Variants in PRPF3 observed in about 807,000 individuals in gnomAD.
PRPF3 encodes the protein pre-mRNA processing factor 3, also known as U4/U6 small nuclear ribonucleoprotein Prp3.
In PRPF3, 3 loss-of-function variants were observed where a neutral mutation model predicts 89.2. That is an observed-to-expected ratio of 0.03 (90% CI 0.02 to 0.09). The LOEUF (loss-of-function observed/expected upper bound fraction) is 0.09. Among genes scored for constraint, PRPF3 ranks in the 10% least tolerant of loss-of-function variants. The probability of loss-of-function intolerance (pLI) is 1.00; values close to 1 mark genes in which losing one functional copy is unlikely to be tolerated. For synonymous variants in PRPF3, 270 were observed against 289.1 expected, an observed-to-expected ratio of 0.93 and a Z score of 0.67; for missense variants, 463 against 828.8, an observed-to-expected ratio of 0.56 and a Z score of 5.42.
In PRPF3 at chr1:150,334,907, A is replaced by C. The variant is rs782537742; in HGVS notation, c.729-28A>C. ...TGCTTGCCTTAATGTTCCATACAGG[A>C]TTTATTTCTTTGCGGGCTATTTTTC... On this transcript the variant is annotated intron_variant, in intron 6 of 15. Transcript: ENST00000324862. 5.0e-6 allele frequency: 8 copies of C among 1,613,040 alleles called. No individual in the cohort carries two copies. In the Admixed American group the frequency reaches 5.0e-5, roughly 10 times the overall value.
intron 9 of PRPF3, 180 bp from the exon 10 acceptor site, chr1:150,343,129 C>A: frequency 4.2e-6 from 1 of 237,142 alleles, no homozygotes; most frequent in Non-Finnish European, 8.0e-6. Flanking sequence ...GTAATCCTAG[C>A]TACTCGGGAG....
At chr1:150,331,027 CATTTT>C (rs1482864092) in intron 4 of PRPF3, among the ~76,000 whole-genome samples, 4 of 148,782 alleles carry the variant, frequency 2.7e-5, no homozygotes, top group African/African-American at 9.9e-5. Flanking sequence ...TGTAATTTTT[CATTTT>C]ATTTTATTTT....
rs114084590 is a variant in PRPF3 at position 150,351,889 on chromosome 1, G to A, written c.1906-944G>A. 2.8e-3 allele frequency among the ~76,000 whole-genome samples: 422 copies of A among 151,692 alleles called. 4 individuals are homozygous for A. Among genetic ancestry groups the A allele is most frequent in the African/African-American group, 8.9e-3 (368 of 41,354 alleles). Reference sequence around the variant, plus strand: ...GAAGAGTACTTACTGAAAAAGTCCCGGCTTCTTAGAGAACCAGTATTAATG... The same window carrying A: ...GAAGAGTACTTACTGAAAAAGTCCCAGCTTCTTAGAGAACCAGTATTAATG... On this transcript the variant is annotated intron_variant, in intron 15 of 15. Transcript: ENST00000324862.
chr1:150,339,739 T>TG (rs1657480875), intron 8 of PRPF3, among the ~76,000 whole-genome samples: 3 of 52,364 alleles, frequency 5.7e-5, no homozygotes, highest in Non-Finnish European at 8.4e-5. Context: ...CGCCTGGCGT[T>TG]TTTTTTTTTT....
intron 3 of PRPF3, 23 bp from the exon 4 acceptor site, chr1:150,328,297 T>C: frequency 6.2e-7 from 1 of 1,613,598 alleles, no homozygotes; most frequent in Non-Finnish European, 8.5e-7. Context: ...ATACAGCTTT[T>C]CTTTCATCTT....
intron 6 of PRPF3, 59 bp from the exon 7 acceptor site, chr1:150,334,876 G>A (rs1572224206): frequency 1.3e-6 from 2 of 1,599,666 alleles, no homozygotes; most frequent in East Asian, 4.5e-5. Flanking sequence ...GCTTTATTTT[G>A]TTTTTTGCTT....
At chr1:150,351,156 T>C (rs1658888395) in intron 15 of PRPF3, among the ~76,000 whole-genome samples, 1 of 151,964 alleles carries the variant, frequency 6.6e-6, no homozygotes, top group Non-Finnish European at 1.5e-5. Context: ...TCCCAGCTAC[T>C]TGGGAGGCTG....
At chr1:150,342,607 C>T (rs1657874584) in intron 9 of PRPF3, among the ~76,000 whole-genome samples, 1 of 152,046 alleles carries the variant, frequency 6.6e-6, no homozygotes, top group African/African-American at 2.4e-5. Context: ...ACTGCAACCT[C>T]CACCTCCCGG....
In PRPF3 at chr1:150,353,048, C is replaced by T. The variant is rs1659103226; in HGVS notation, c.*69C>T. ...TCAGTCCTCTCACTTATTCTATTTCCCAACCCCCTCCCACTTGTTTGTGTG... is the reference window on the plus strand; with the variant it reads ...TCAGTCCTCTCACTTATTCTATTTCTCAACCCCCTCCCACTTGTTTGTGTG... On this transcript the variant is annotated 3_prime_UTR_variant, in exon 16 of 16. Transcript: ENST00000324862. The T allele has an allele frequency of 1.9e-6, 3 of 1,588,620 alleles. No homozygotes were observed. The highest frequency in any genetic ancestry group is 8.6e-7 in the Non-Finnish European group (1 of 1,158,304).
At chr1:150,336,033 G>A (rs1338168327) in intron 7 of PRPF3, among the ~76,000 whole-genome samples, 1 of 152,158 alleles carries the variant, frequency 6.6e-6, no homozygotes, top group Non-Finnish European at 1.5e-5. Context: ...CTCCCAAAGT[G>A]CTGGGATTAT....
chr1:150,343,224 A>G, intron 9 of PRPF3, 85 bp from the exon 10 acceptor site: 2 of 816,460 alleles, frequency 2.4e-6, no homozygotes, highest in Non-Finnish European at 3.1e-6. Context: ...CCTGGGTGAC[A>G]GAGTGAGAGA....
rs781804467 is a variant in PRPF3 at position 150,335,677 on chromosome 1, C to G, written c.1035+436C>G. 2.0e-5 allele frequency among the ~76,000 whole-genome samples: 3 copies of G among 151,640 alleles called. No homozygotes were observed. In the South Asian group the frequency reaches 6.2e-4, roughly 32 times the overall value. On this transcript the variant is annotated intron_variant, in intron 7 of 15. Transcript: ENST00000324862. Reference sequence around the variant, plus strand: ...ACGGGGTTTCTCCGTGTTGGTCAGGCTGGTCTCGAACTCCTGACCTCAGGT... The same window carrying G: ...ACGGGGTTTCTCCGTGTTGGTCAGGGTGGTCTCGAACTCCTGACCTCAGGT...
At chr1:150,340,344 C>G in intron 8 of PRPF3, 54 bp from the exon 9 acceptor site, 3 of 1,325,992 alleles carry the variant, frequency 2.3e-6, no homozygotes, top group Non-Finnish European at 3.3e-6. Context: ...AGACTCCTCT[C>G]TTAGAATCAT....
intron 14 of PRPF3, among the ~76,000 whole-genome samples, chr1:150,347,683 G>A (rs1168727857): frequency 2.0e-5 from 3 of 150,916 alleles, no homozygotes; most frequent in Non-Finnish European, 4.4e-5. Flanking sequence ...AGCTGTGATC[G>A]CACCACTGCA....
chr1:150,328,054 A>T, intron 3 of PRPF3: 1 of 454,370 alleles, frequency 2.2e-6, no homozygotes, highest in Non-Finnish European at 4.0e-6. Flanking sequence ...AATCATTATA[A>T]ATGTGAGCAG....
chr1:150,336,427 TGTTGG>T (rs1181040854), intron 7 of PRPF3, among the ~76,000 whole-genome samples: 4 of 152,106 alleles, frequency 2.6e-5, no homozygotes, highest in Admixed American at 6.6e-5. Flanking sequence ...CCTAAAAGAC[TGTTGG>T]GTTGGGGACC....
At chr1:150,352,462 G>A (rs192057082) in intron 15 of PRPF3, among the ~76,000 whole-genome samples, 60 of 152,290 alleles carry the variant, frequency 3.9e-4, no homozygotes, top group African/African-American at 1.3e-3. Context: ...TCAGGAGATC[G>A]AGACCATCCT....
At chr1:150,323,023 G>A (rs1553862587) in intron 1 of PRPF3, among the ~76,000 whole-genome samples, 1 of 151,172 alleles carries the variant, frequency 6.6e-6, no homozygotes, top group Non-Finnish European at 1.5e-5. Context: ...TACAGGTGCA[G>A]GTCACCACGC....
chr1:150,323,651 T>C (rs1383122431), intron 1 of PRPF3, among the ~76,000 whole-genome samples: 13 of 151,674 alleles, frequency 8.6e-5, no homozygotes, highest in Non-Finnish European at 1.6e-4. Context: ...AAAATGAGGG[T>C]ATTCTTTTCT....
Sources: gnomAD v4.1 joint callset for allele counts (sites outside exome capture counted in the v4.1 genomes callset) on GRCh38, gnomAD v4.1.1 for gene constraint, MANE v1.5 for transcripts, NCBI Gene and HGNC (gene_info 2026-07-23, HGNC 2026-07-21) for gene names.